GAS7: variants seen among roughly 807,000 people sequenced by gnomAD.
The protein encoded by GAS7 is growth arrest-specific protein 7.
GAS7 carries 28 observed loss-of-function variants against 71.1 expected under a neutral mutation model. That is an observed-to-expected ratio of 0.39 (90% confidence interval 0.29 to 0.54). The LOEUF is 0.54. Among genes scored for constraint, GAS7 ranks in the 20% least tolerant of loss-of-function variants. The pLI is 0.62. For missense variants in GAS7, 436 were observed against 627.8 expected, an observed-to-expected ratio of 0.69 and a Z score of 3.27; for synonymous variants, 258 against 245.8, an observed-to-expected ratio of 1.05 and a Z score of -0.46.
At chr17:10,163,961 G>A (rs1235018028) in intron 1 of GAS7, among the ~76,000 whole-genome samples, 1 of 152,170 alleles carries the variant, frequency 6.6e-6, no homozygotes, top group Non-Finnish European at 1.5e-5. Flanking sequence ...GAAACCGCTT[G>A]GGACATGACA....
chr17:10,076,932 A>G (rs1401988531), intron 1 of GAS7, among the ~76,000 whole-genome samples: 1 of 152,164 alleles, frequency 6.6e-6, no homozygotes, highest in Non-Finnish European at 1.5e-5. Flanking sequence ...CCCCACCTCT[A>G]ATACAACTTC....
At chr17:10,190,579 CAAAAAAAA>C (rs763366804) in intron 1 of GAS7, among the ~76,000 whole-genome samples, 1 of 103,406 alleles carries the variant, frequency 9.7e-6, no homozygotes, top group African/African-American at 3.7e-5. Flanking sequence ...GACTCCGTCT[CAAAAAAAA>C]AAAAAAGAAA....
At chr17:10,059,941 G>A in intron 1 of GAS7, 1 of 365,964 alleles carries the variant, frequency 2.7e-6, no homozygotes, top group Non-Finnish European at 3.8e-6. Flanking sequence ...CAGCCTTCCA[G>A]GGCAGCTGGG....
At chr17:10,127,287 G>C (rs1474855544) in intron 1 of GAS7, among the ~76,000 whole-genome samples, 2 of 152,266 alleles carry the variant, frequency 1.3e-5, no homozygotes, top group East Asian at 3.9e-4. Flanking sequence ...GCTTGCGTCA[G>C]GGGAACGCCT....
intron 1 of GAS7, among the ~76,000 whole-genome samples, chr17:10,173,950 C>G (rs776888831): frequency 6.6e-6 from 1 of 152,168 alleles, no homozygotes; most frequent in Non-Finnish European, 1.5e-5. Context: ...CTGACATCTT[C>G]ACAGGAAAAC....
In GAS7 at chr17:10,103,339, G is replaced by C. The variant is rs183356787; in HGVS notation, c.184-83442C>G. The stretch of plus-strand genomic sequence containing the variant: ...CCATCCAGTCTGGGTGATAGGTTAA[G>C]ACCCTGTCTCAAACAAACCAACCAA... On this transcript the variant is annotated intron_variant, in intron 1 of 13. Transcript: ENST00000432992. This position sits in a 1 kb window ranked among gnomAD's most constrained non-coding sequence, Gnocchi z 5.5. Among the ~76,000 whole-genome samples, 1 of 152,114 alleles carries C rather than the reference G, an allele frequency of 6.6e-6. No homozygotes were observed. Among genetic ancestry groups the C allele is most frequent in the Non-Finnish European group, 1.5e-5 (1 of 68,008 alleles).
intron 1 of GAS7, among the ~76,000 whole-genome samples, chr17:10,174,116 G>GT (rs2142134489): frequency 6.6e-6 from 1 of 152,178 alleles, no homozygotes; most frequent in East Asian, 1.9e-4. Flanking sequence ...CACTAATGAT[G>GT]GAATCCCTGG....
intron 2 of GAS7, among the ~76,000 whole-genome samples, chr17:10,005,669 T>A (rs533857196): frequency 6.6e-6 from 1 of 152,244 alleles, no homozygotes; most frequent in South Asian, 2.1e-4. Context: ...TAACAACATT[T>A]TTAAGCACTG....
At position 10,088,256 on chromosome 17, in the gene GAS7, T is replaced by TAATAATAATAATAATAATAAA. The variant is rs780525609; in HGVS notation, c.184-68360_184-68359insTTTATTATTATTATTATTATT. ...ATAATAATAATAATAATAATAATAA[T>TAATAATAATAATAATAATAAA]AAATATGTATATATGCATAAGGAGT... On this transcript the variant is annotated intron_variant, in intron 1 of 13. Coordinates refer to ENST00000432992, the MANE Select transcript of GAS7 (RefSeq NM_201433.2). Among the ~76,000 whole-genome samples the TAATAATAATAATAATAATAAA allele has an allele frequency of 6.2e-5, 9 of 144,564 alleles. No individual in the cohort carries two copies. In the South Asian group the frequency reaches 1.6e-3, roughly 26 times the overall value. 94.8% of individuals were successfully genotyped at this position (144,564 alleles called of 152,430 possible).
At chr17:10,077,486 A>G (rs1043545193) in intron 1 of GAS7, among the ~76,000 whole-genome samples, 1 of 152,226 alleles carries the variant, frequency 6.6e-6, no homozygotes, top group Non-Finnish European at 1.5e-5. Context: ...AGCAGTTTAT[A>G]ATGCAGAAGC....
At chr17:10,012,037 G>A (rs2071795146) in intron 2 of GAS7, among the ~76,000 whole-genome samples, 1 of 150,086 alleles carries the variant, frequency 6.7e-6, no homozygotes, top group East Asian at 2.0e-4. Flanking sequence ...AAAAAAGAAT[G>A]GCACAGATAA....
intron 5 of GAS7, among the ~76,000 whole-genome samples, chr17:9,957,851 G>C (rs1051691100): frequency 1.3e-5 from 2 of 152,112 alleles, no homozygotes; most frequent in Non-Finnish European, 2.9e-5. Context: ...CACTCCAAAG[G>C]AGCTCATGAC....
intron 11 of GAS7, among the ~76,000 whole-genome samples, chr17:9,920,008 T>TGTGTGTGTGC (rs1555585021): frequency 6.9e-6 from 1 of 143,918 alleles, no homozygotes; most frequent in East Asian, 2.0e-4. Flanking sequence ...TGTGTGTGTG[T>TGTGTGTGTGC]GTGTGTGTCT....
rs572871316 is a variant in GAS7 at position 9,970,647 on chromosome 17, C to T, written c.386-885G>A. 7.3e-5 allele frequency among the ~76,000 whole-genome samples: 11 copies of T among 151,186 alleles called. No individual in the cohort carries two copies. The South Asian group carries it at 2.3e-3, about 31-fold the overall frequency. ...AACTCCATCAAAAAACAAAACAAAACAAAACAAAAAAAACACATTATCTGA... is the reference window on the plus strand; with the variant it reads ...AACTCCATCAAAAAACAAAACAAAATAAAACAAAAAAAACACATTATCTGA... On this transcript the variant is annotated intron_variant, in intron 3 of 13. Coordinates refer to ENST00000432992, the MANE Select transcript of GAS7 (RefSeq NM_201433.2).
intron 2 of GAS7, among the ~76,000 whole-genome samples, chr17:10,015,771 C>T (rs1235017661): frequency 6.6e-6 from 1 of 152,048 alleles, no homozygotes; most frequent in Non-Finnish European, 1.5e-5. Flanking sequence ...TGACTCTTTG[C>T]CATCAGTAAG....
In GAS7 at chr17:9,912,303, A is replaced by G. The variant is rs2067460738; in HGVS notation, c.*4925T>C. 3 of 233,028 alleles carry G rather than the reference A, an allele frequency of 1.3e-5. No homozygotes were observed. Among genetic ancestry groups the G allele is most frequent in the African/African-American group, 2.2e-5 (1 of 45,442 alleles). 14.4% of individuals were successfully genotyped at this position (233,028 alleles called of 1,614,324 possible). A position where few individuals can be genotyped will look rare whatever the true frequency, so the allele number is the denominator to read the frequency against. On this transcript the variant is annotated 3_prime_UTR_variant, in exon 14 of 14. Coordinates refer to ENST00000432992, the MANE Select transcript of GAS7 (RefSeq NM_201433.2). ...CCAGACACAGCATGAACACGTGTACAGGGTACATCATTGGAAATGAGAAAG... is the reference window on the plus strand; with the variant it reads ...CCAGACACAGCATGAACACGTGTACGGGGTACATCATTGGAAATGAGAAAG...
At chr17:10,107,266 G>A (rs2073765598) in intron 1 of GAS7, among the ~76,000 whole-genome samples, 1 of 152,242 alleles carries the variant, frequency 6.6e-6, no homozygotes, top group Admixed American at 6.5e-5. Flanking sequence ...ACTACAAGGT[G>A]AAGTTCTACT....
At chr17:9,983,230 G>A (rs781262208) in intron 2 of GAS7, among the ~76,000 whole-genome samples, 2 of 152,100 alleles carry the variant, frequency 1.3e-5, no homozygotes, top group African/African-American at 4.8e-5. Flanking sequence ...TGGTTCATGC[G>A]TCTTATCTCA....
rs531027583 is a variant in GAS7 at position 10,067,100 on chromosome 17, T to C, written c.184-47203A>G. ...GTGATAGCTCCTTCTCCCAGCTCCA[T>C]GGTTCTGCCATCCTTTACAAAAGGC... On this transcript the variant is annotated intron_variant, in intron 1 of 13. Transcript: ENST00000432992. Among the ~76,000 whole-genome samples the C allele has an allele frequency of 2.8e-4, 43 of 152,058 alleles. 1 individual carries two copies. In the South Asian group the frequency reaches 8.3e-3, roughly 29 times the overall value.
Sources: gnomAD v4.1 joint callset for allele counts (sites outside exome capture counted in the v4.1 genomes callset) on GRCh38, gnomAD v4.1.1 for gene constraint, Gnocchi (gnomAD v3.1) non-coding constraint, MANE v1.5 for transcripts, NCBI Gene and HGNC (gene_info 2026-07-23, HGNC 2026-07-21) for gene names.